Variants in MYO16 observed in about 807,000 individuals in gnomAD.
The protein encoded by MYO16 is myosin XVI, also known as unconventional myosin-XVI.
A neutral mutation model predicts 205.3 loss-of-function variants in MYO16; 94 were observed. The ratio of observed to expected loss-of-function variants is 0.46; its 90% CI spans 0.39 to 0.54. The LOEUF is 0.54. MYO16 is among the 20% of genes least tolerant of loss of function. MYO16 has a pLI of 0.00. For missense variants in MYO16, 2,315 were observed against 2,387.5 expected, an observed-to-expected ratio of 0.97 and a Z score of 0.63; for synonymous variants, 988 against 954.0, an observed-to-expected ratio of 1.04 and a Z score of -0.66.
At chr13:108,853,514 A>C (rs1594345446) in intron 10 of MYO16, among the ~76,000 whole-genome samples, 1 of 152,078 alleles carries the variant, frequency 6.6e-6, no homozygotes, top group African/African-American at 2.4e-5. Context: ...AAAGTAGTTA[A>C]AATAATGAAC....
chr13:108,735,463 A>AGTATTCCATGGTATATACCATGT (rs71125333), intron 4 of MYO16, among the ~76,000 whole-genome samples: 105,103 of 146,116 alleles, frequency 0.72, 41,268 homozygotes, highest in Non-Finnish European at 0.88. Context: ...ATGGCTGCAT[A>AGTATTCCATGGTATATACCATGT]GTATTCCATG....
chr13:109,189,418 C>T (rs141508589), intron 34 of MYO16, among the ~76,000 whole-genome samples: 1 of 152,350 alleles, frequency 6.6e-6, no homozygotes, highest in African/African-American at 2.4e-5. Context: ...ATTGTCCCTG[C>T]TGTTTTCATT....
chr13:108,860,333 CATG>C (rs1203352907), intron 11 of MYO16, among the ~76,000 whole-genome samples: 1 of 151,542 alleles, frequency 6.6e-6, no homozygotes, highest in African/African-American at 2.4e-5. Flanking sequence ...CCATAAAAGA[CATG>C]ATCTTGTTCT....
At chr13:109,175,357 A>G (rs1879121042) in intron 33 of MYO16, among the ~76,000 whole-genome samples, 1 of 152,084 alleles carries the variant, frequency 6.6e-6, no homozygotes, top group Non-Finnish European at 1.5e-5. Flanking sequence ...TGCCCACCCA[A>G]GTTTGAAGGA....
intron 2 of MYO16, among the ~76,000 whole-genome samples, chr13:108,679,846 A>G (rs181046285): frequency 5.9e-5 from 9 of 152,182 alleles, no homozygotes. Flanking sequence ...GATTGTTGAC[A>G]TAACCAGACT....
In MYO16 at chr13:108,673,646, T is replaced by C. The variant is rs542124808; in HGVS notation, c.292+7497T>C. Among the ~76,000 whole-genome samples, 6 of 152,278 alleles carry C rather than the reference T, an allele frequency of 3.9e-5. No individual in the cohort carries two copies. The South Asian group carries it at 6.2e-4, about 16-fold the overall frequency. The stretch of plus-strand genomic sequence containing the variant: ...CTTAGTTGGTTACCTCTTCTATTGA[T>C]CTCAGACTCTGATTCTAACTCTGTT... On this transcript the variant is annotated intron_variant, in intron 2 of 34. Transcript: ENST00000457511.
chr13:109,032,572 T>G (rs779536456), intron 23 of MYO16, among the ~76,000 whole-genome samples: 1 of 152,206 alleles, frequency 6.6e-6, no homozygotes, highest in Non-Finnish European at 1.5e-5. Flanking sequence ...ATTAAAGCAA[T>G]AAAGCAATCG....
At chr13:108,604,382 A>C (rs952323591) in intron 1 of MYO16, among the ~76,000 whole-genome samples, 2 of 152,216 alleles carry the variant, frequency 1.3e-5, no homozygotes, top group Admixed American at 6.5e-5. Context: ...GGACTAAAAT[A>C]CTGAATGTAG....
chr13:109,126,676 C>A (rs2139773672), intron 30 of MYO16, among the ~76,000 whole-genome samples: 1 of 152,284 alleles, frequency 6.6e-6, no homozygotes, highest in South Asian at 2.1e-4. Context: ...TTACTTGGCA[C>A]TGGACAACCA....
At chr13:108,739,588 T>A (rs1017406518) in intron 4 of MYO16, among the ~76,000 whole-genome samples, 1 of 152,204 alleles carries the variant, frequency 6.6e-6, no homozygotes, top group Admixed American at 6.5e-5. Context: ...TCATTTCATC[T>A]TTGGTGAATC....
At chr13:109,097,029 C>G in intron 27 of MYO16, among the ~76,000 whole-genome samples, 1 of 152,124 alleles carries the variant, frequency 6.6e-6, no homozygotes, top group Non-Finnish European at 1.5e-5. Flanking sequence ...CATGTTTGTT[C>G]ATAAGAGGTA....
chr13:108,702,296 A>G (rs1020848058), intron 2 of MYO16, among the ~76,000 whole-genome samples: 1 of 152,242 alleles, frequency 6.6e-6, no homozygotes, highest in Non-Finnish European at 1.5e-5. Context: ...TCTTGAAAGC[A>G]TAAATACAGA....
rs566540018 is a variant in MYO16, at chr13:109,021,308, C to A, written c.2796+1397C>A. On this transcript the variant is annotated intron_variant, in intron 23 of 34. Transcript: ENST00000457511. ...TACAGCCTTATCTTAGATCAGGAAGCCTCTAGCCAAATTAAGAAGCTGCTG... is the reference window on the plus strand; with the variant it reads ...TACAGCCTTATCTTAGATCAGGAAGACTCTAGCCAAATTAAGAAGCTGCTG... 2.6e-5 allele frequency among the ~76,000 whole-genome samples: 4 copies of A among 152,202 alleles called. No individual in the cohort carries two copies. In the South Asian group the frequency reaches 8.3e-4, roughly 32 times the overall value.
intron 2 of MYO16, among the ~76,000 whole-genome samples, chr13:108,676,819 A>C (rs1882232574): frequency 2.0e-5 from 3 of 152,102 alleles, no homozygotes; most frequent in Non-Finnish European, 4.4e-5. Context: ...TGCTGTGTCT[A>C]CTGTGTCTTT....
At position 108,603,892 on chromosome 13, in the gene MYO16, G is replaced by T. The variant is rs575691651; in HGVS notation, c.-39+7653G>T. 7.9e-5 allele frequency among the ~76,000 whole-genome samples: 12 copies of T among 152,166 alleles called. No individual in the cohort carries two copies. In the South Asian group the frequency reaches 2.5e-3, roughly 32 times the overall value. On this transcript the variant is annotated intron_variant, in intron 1 of 24. Transcript: ENST00000251041. ...CATTCAATAAATATATTGAGTGCCT[G>T]TATTAGTCTGCTATTACACTGCTAC...
the MYO16 span, among the ~76,000 whole-genome samples, chr13:108,576,668 C>A: frequency 6.6e-6 from 1 of 152,140 alleles, no homozygotes; most frequent in African/African-American, 2.4e-5. Flanking sequence ...GTCCTTTTGG[C>A]AAAATTGACT....
intron 31 of MYO16, among the ~76,000 whole-genome samples, chr13:109,129,711 C>T (rs1179901736): frequency 2.6e-5 from 4 of 151,930 alleles, no homozygotes; most frequent in Admixed American, 2.6e-4. Context: ...CAGATAGTAC[C>T]AGACATTGAA....
intron 2 of MYO16, among the ~76,000 whole-genome samples, chr13:108,672,925 A>G (rs184378997): frequency 4.0e-5 from 6 of 151,878 alleles, no homozygotes; most frequent in African/African-American, 1.4e-4. Flanking sequence ...TTCCATTAAA[A>G]GTAACTGCTG....
intron 14 of MYO16, among the ~76,000 whole-genome samples, chr13:108,894,302 G>A (rs900726945): frequency 5.3e-5 from 8 of 152,186 alleles, no homozygotes; most frequent in African/African-American, 1.7e-4. Flanking sequence ...CCATATCAGT[G>A]AGGATGTATT....
Sources: gnomAD v4.1 joint callset for allele counts (sites outside exome capture counted in the v4.1 genomes callset) on GRCh38, gnomAD v4.1.1 for gene constraint, MANE v1.5 for transcripts, NCBI Gene and HGNC (gene_info 2026-07-23, HGNC 2026-07-21) for gene names.